RBFOX1: variants seen among roughly 807,000 people sequenced by gnomAD.
RBFOX1 encodes the protein RNA binding fox-1 homolog 1, also known as RNA binding protein fox-1 homolog 1.
A neutral mutation model predicts 57.7 loss-of-function variants in RBFOX1; 8 were observed. The observed-to-expected ratio is 0.14, with a 90% CI of 0.08 to 0.25. The LOEUF is 0.25. RBFOX1 is among the 10% of genes least tolerant of loss of function. The pLI is 1.00. For synonymous variants in RBFOX1, 326 were observed against 222.4 expected (o/e 1.47, Z -4.15); for missense variants, 611 against 548.5 (o/e 1.11, Z -1.14).
intron 1 of RBFOX1, among the ~76,000 whole-genome samples, chr16:6,193,781 G>T (rs1180502044): frequency 6.6e-6 from 1 of 151,892 alleles, no homozygotes; most frequent in Non-Finnish European, 1.5e-5. Context: ...CCTCCCCACT[G>T]GGTTTGTCAC....
intron 4 of RBFOX1, among the ~76,000 whole-genome samples, chr16:5,893,050 C>T (rs758685051): frequency 6.6e-6 from 1 of 152,174 alleles, no homozygotes; most frequent in Non-Finnish European, 1.5e-5. Context: ...GTGACCCAAC[C>T]CAGCTGGGAA....
intron 1 of RBFOX1, among the ~76,000 whole-genome samples, chr16:6,095,426 G>C (rs1416037734): frequency 6.6e-6 from 1 of 152,112 alleles, no homozygotes; most frequent in African/African-American, 2.4e-5. Context: ...GGAGCTGATT[G>C]GACCCTTGGG....
intron 1 of RBFOX1, among the ~76,000 whole-genome samples, chr16:6,270,270 C>T (rs1383973032): frequency 6.6e-6 from 1 of 151,884 alleles, no homozygotes; most frequent in Non-Finnish European, 1.5e-5. Flanking sequence ...CCTATATACA[C>T]CCTTTGTAAG....
intron 2 of RBFOX1, among the ~76,000 whole-genome samples, chr16:6,334,192 C>T (rs1301259793): frequency 1.3e-5 from 2 of 152,034 alleles, no homozygotes; most frequent in African/African-American, 2.4e-5. Flanking sequence ...AGCCACTCCA[C>T]AGAGAAGTAG....
In RBFOX1 at chr16:7,671,422, C is replaced by T. The variant is rs927462398; in HGVS notation, c.931-5352C>T. 11 of 743,530 alleles carry T rather than the reference C, an allele frequency of 1.5e-5. No homozygotes were observed. In the African/African-American group the frequency reaches 1.8e-4, roughly 12 times the overall value. 46.1% of individuals were successfully genotyped at this position (743,530 alleles called of 1,614,324 possible). On this transcript the variant is annotated intron_variant, in intron 13 of 15. Transcript: ENST00000550418. The stretch of plus-strand genomic sequence containing the variant: ...CCAGTGCCCCTTTCAGCTTGGTGGG[C>T]CAGTCCCAAGGCTTGGTGAAGTAAG...
intron 3 of RBFOX1, among the ~76,000 whole-genome samples, chr16:6,841,158 A>G (rs1567506497): frequency 6.6e-6 from 1 of 151,818 alleles, no homozygotes; most frequent in Non-Finnish European, 1.5e-5. Flanking sequence ...AGCCTATGGC[A>G]TTTTGCTAGA....
intron 3 of RBFOX1, among the ~76,000 whole-genome samples, chr16:5,732,823 A>G (rs1304248716): frequency 1.3e-5 from 2 of 152,152 alleles, no homozygotes; most frequent in Non-Finnish European, 1.5e-5. Flanking sequence ...AATATTCTTC[A>G]CAAAAGTCTT....
chr16:7,564,324 G>C (rs995703357), intron 5 of RBFOX1, among the ~76,000 whole-genome samples: 2 of 151,488 alleles, frequency 1.3e-5, no homozygotes, highest in Admixed American at 1.3e-4. Context: ...TAGATCGCGA[G>C]GTCAGGAGTT....
chr16:7,665,241 TA>T (rs1204271516), intron 13 of RBFOX1, among the ~76,000 whole-genome samples: 1 of 152,140 alleles, frequency 6.6e-6, no homozygotes, highest in Admixed American at 6.5e-5. Flanking sequence ...TCATGCCAAC[TA>T]AAGACCCCAC....
chr16:7,355,841 C>G (rs1008587983), intron 4 of RBFOX1, among the ~76,000 whole-genome samples: 1 of 152,218 alleles, frequency 6.6e-6, no homozygotes, highest in Non-Finnish European at 1.5e-5. Context: ...TTCCTTTCAA[C>G]CTTCAGGGTC....
intron 2 of RBFOX1, among the ~76,000 whole-genome samples, chr16:6,526,849 A>C (rs1281255639): frequency 6.8e-6 from 1 of 146,722 alleles, no homozygotes; most frequent in African/African-American, 2.6e-5. Flanking sequence ...AAAAAAAAAA[A>C]AAAAAAAAAA....
intron 4 of RBFOX1, among the ~76,000 whole-genome samples, chr16:7,299,776 T>G (rs4275868): frequency 2.6e-5 from 4 of 152,060 alleles, no homozygotes; most frequent in African/African-American, 7.2e-5. Flanking sequence ...CTCACCCCTA[T>G]CCCTAGTAGA....
chr16:6,300,113 C>T (rs1178154141), intron 1 of RBFOX1, among the ~76,000 whole-genome samples: 1 of 152,096 alleles, frequency 6.6e-6, no homozygotes, highest in Admixed American at 6.5e-5. Context: ...ACTGCATTAT[C>T]TCACTTATAT....
At chr16:6,594,454 C>T (rs564584441) in intron 2 of RBFOX1, among the ~76,000 whole-genome samples, 33 of 152,260 alleles carry the variant, frequency 2.2e-4, no homozygotes, top group African/African-American at 7.5e-4. Context: ...CTGTGGCAAA[C>T]TCGGCAATAA....
chr16:7,491,160 G>A (rs967660963), intron 4 of RBFOX1, among the ~76,000 whole-genome samples: 9 of 151,932 alleles, frequency 5.9e-5, no homozygotes, highest in African/African-American at 1.9e-4. Flanking sequence ...CATGAGATTC[G>A]CTCTGAAGCC....
chr16:6,019,859 T>A lies in RBFOX1; in HGVS notation c.-260T>A. 1.3e-6 allele frequency: 2 copies of A among 1,533,330 alleles called. No individual in the cohort carries two copies. Among genetic ancestry groups the A allele is most frequent in the Non-Finnish European group, 1.7e-6 (2 of 1,145,778 alleles). 95.0% of individuals were successfully genotyped at this position (1,533,330 alleles called of 1,614,324 possible). ...GACCTGCCCGCGAAGTTGCGGACAG[T>A]GCGTGAGAAACCAGCACCCCCTTCC... On this transcript the variant is annotated 5_prime_UTR_variant, in exon 1 of 16. Transcript: ENST00000550418. This position sits in a 1 kb window ranked among gnomAD's most constrained non-coding sequence, Gnocchi z 4.2.
chr16:5,648,761 T>C lies in RBFOX1; in HGVS notation c.318+49800T>C, dbSNP rs142917076. Among the ~76,000 whole-genome samples the C allele has an allele frequency of 2.1e-4, 32 of 152,286 alleles. No individual in the cohort carries two copies. The East Asian group carries it at 5.6e-3, about 27-fold the overall frequency. The stretch of plus-strand genomic sequence containing the variant: ...TGTCTACCTCCTCTTTTTATTTGCA[T>C]ATTTTAAAAATCACATTTTAGGCCA... On this transcript the variant is annotated intron_variant, in intron 3 of 19. Transcript: ENST00000641259.
chr16:6,502,848 C>T (rs2095977430), intron 2 of RBFOX1, among the ~76,000 whole-genome samples: 1 of 152,122 alleles, frequency 6.6e-6, no homozygotes. Flanking sequence ...TGGATTGAAT[C>T]CAAATACTAA....
intron 3 of RBFOX1, among the ~76,000 whole-genome samples, chr16:6,949,925 C>T (rs1236206588): frequency 1.4e-5 from 2 of 142,804 alleles, no homozygotes; most frequent in Non-Finnish European, 3.0e-5. Flanking sequence ...GTAGCTCCTT[C>T]CCTGAGTACG....
Sources: allele counts gnomAD v4.1 joint callset (sites outside exome capture counted in the v4.1 genomes callset), GRCh38; gene constraint gnomAD v4.1.1; non-coding constraint Gnocchi (gnomAD v3.1); transcripts MANE v1.5; gene names NCBI Gene and HGNC (gene_info 2026-07-23, HGNC 2026-07-21).